Variants in FRYL observed in about 807,000 individuals in gnomAD.
FRYL encodes the protein FRY like transcription coactivator.
Under a neutral mutation model 351.2 loss-of-function variants are expected in FRYL, and 150 were observed. The ratio of observed to expected loss-of-function variants is 0.43; its 90% CI spans 0.37 to 0.49. FRYL has a LOEUF of 0.49. FRYL is among the 20% of genes least tolerant of loss of function. The pLI, the probability that FRYL is intolerant of heterozygous loss-of-function variation, is 0.00. For missense variants in FRYL, 3,036 were observed against 3,619.3 expected (o/e 0.84, Z 4.13); for synonymous variants, 1,153 against 1,257.1 (o/e 0.92, Z 1.75).
intron 57 of FRYL, among the ~76,000 whole-genome samples, chr4:48,511,592 T>C (rs2148770744): frequency 6.6e-6 from 1 of 152,292 alleles, no homozygotes; most frequent in African/African-American, 2.4e-5. Context: ...GGTGGCATTA[T>C]GATTAAAATA....
intron 61 of FRYL, among the ~76,000 whole-genome samples, chr4:48,502,086 C>T (rs1373689284): frequency 6.6e-6 from 1 of 152,146 alleles, no homozygotes; most frequent in Non-Finnish European, 1.5e-5. Flanking sequence ...CTTTTGCCCT[C>T]ATTGAGATGT....
intron 29 of FRYL, 95 bp downstream of exon 29, chr4:48,565,436 C>G (rs1736561118): frequency 1.1e-6 from 1 of 880,420 alleles, no homozygotes; most frequent in Admixed American, 3.3e-5. Flanking sequence ...CATTTTAATA[C>G]TCTCAGATCC....
chr4:48,603,670 A>G (rs181362511), intron 11 of FRYL, among the ~76,000 whole-genome samples: 1 of 152,148 alleles, frequency 6.6e-6, no homozygotes, highest in Admixed American at 6.5e-5. Context: ...AGGGGCCCCT[A>G]TGGAAAAACT....
intron 2 of FRYL, among the ~76,000 whole-genome samples, chr4:48,708,331 G>T (rs527419758): frequency 5.3e-5 from 8 of 151,650 alleles, no homozygotes; most frequent in Non-Finnish European, 1.2e-4. Context: ...GCCAGGCATG[G>T]TAGCACACAC....
intron 59 of FRYL, among the ~76,000 whole-genome samples, chr4:48,507,142 T>C (rs1243211745): frequency 2.6e-5 from 4 of 152,218 alleles, no homozygotes; most frequent in African/African-American, 9.6e-5. Context: ...ATTTATTTAA[T>C]GGCTTATTTT....
At chr4:48,578,145 G>A (rs1392644818) in intron 23 of FRYL, among the ~76,000 whole-genome samples, 1 of 151,864 alleles carries the variant, frequency 6.6e-6, no homozygotes, top group Non-Finnish European at 1.5e-5. Context: ...CTCACAAAAT[G>A]GAAACTATCA....
rs368900869 is a variant in FRYL, at chr4:48,719,606, C to A, written c.-383-8908G>T. 1.4e-3 allele frequency among the ~76,000 whole-genome samples: 213 copies of A among 151,604 alleles called. 7 individuals carry two copies. Among genetic ancestry groups the A allele is most frequent in the African/African-American group, 4.5e-3 (188 of 41,456 alleles). ...ATTATAAATTGACAAAACAAAACAA[C>A]AGAAATATCTTTTCCAGCCACACTG... On this transcript the variant is annotated intron_variant, in intron 1 of 63. Coordinates refer to ENST00000358350, the MANE Select transcript of FRYL (RefSeq NM_015030.2).
At chr4:48,708,306 A>G (rs1027021399) in intron 2 of FRYL, among the ~76,000 whole-genome samples, 1 of 7,318 alleles carries the variant, frequency 1.4e-4, no homozygotes, top group African/African-American at 1.5e-4. Context: ...AAATAAATAA[A>G]TAAAAATAAA....
intron 7 of FRYL, among the ~76,000 whole-genome samples, chr4:48,612,390 A>T (rs1748384863): frequency 6.6e-6 from 1 of 152,122 alleles, no homozygotes; most frequent in Admixed American, 6.5e-5. Flanking sequence ...GGCAGAGCAA[A>T]AAGTTTTTTC....
chr4:48,722,631 G>A (rs960940162), intron 1 of FRYL, among the ~76,000 whole-genome samples: 4 of 152,214 alleles, frequency 2.6e-5, no homozygotes, highest in African/African-American at 7.2e-5. Flanking sequence ...AAAAACGTTA[G>A]TAATAAAAGG....
intron 35 of FRYL, among the ~76,000 whole-genome samples, chr4:48,555,861 A>C (rs1403179455): frequency 6.6e-6 from 1 of 152,186 alleles, no homozygotes; most frequent in Non-Finnish European, 1.5e-5. Flanking sequence ...TGGTTTGTTT[A>C]AAATAGAATC....
intron 2 of FRYL, among the ~76,000 whole-genome samples, chr4:48,698,233 T>TC (rs1766391891): frequency 6.6e-6 from 1 of 152,270 alleles, no homozygotes; most frequent in Non-Finnish European, 1.5e-5. Flanking sequence ...GAAGTGGTGC[T>TC]CACAGCTCCT....
intron 17 of FRYL, 37 bp downstream of exon 17, chr4:48,590,621 TG>T: frequency 7.1e-7 from 1 of 1,412,750 alleles, no homozygotes; most frequent in South Asian, 1.3e-5. Context: ...AATATGAAAC[TG>T]TATTACAAAG....
intron 3 of FRYL, among the ~76,000 whole-genome samples, chr4:48,675,451 G>A (rs1195852575): frequency 6.6e-6 from 1 of 152,220 alleles, no homozygotes; most frequent in Non-Finnish European, 1.5e-5. Flanking sequence ...GGCCAGCCCT[G>A]CTGGCCCCAG....
intron 3 of FRYL, chr4:48,637,183 CAAACAATAA>C (rs1754408742): frequency 6.6e-6 from 1 of 152,064 alleles, no homozygotes; most frequent in South Asian, 2.1e-4. Flanking sequence ...AAGCAAGTTA[CAAACAATAA>C]AATGGAGGAG....
intron 26 of FRYL, among the ~76,000 whole-genome samples, chr4:48,571,273 C>T (rs1024740058): frequency 6.6e-6 from 1 of 152,094 alleles, no homozygotes; most frequent in Non-Finnish European, 1.5e-5. Flanking sequence ...AAAAATATGA[C>T]AGAAGTATAG....
chr4:48,553,228 A>C lies in FRYL; in HGVS notation c.4422T>G (p.Pro1474=). The change falls in exon 36 of 64, where the codon CCT becomes CCG. Residue 1474 remains proline (P), a synonymous_variant. Coordinates refer to ENST00000358350, the MANE Select transcript of FRYL (RefSeq NM_015030.2). ...YYRITSSYKI[P]SVTSGTTSSS... ...CAAATTTCTCACCTGAGGTGACAGAAGGGATTTTATAGCTGGAAGTGATGC... is the reference window on the plus strand; with the variant it reads ...CAAATTTCTCACCTGAGGTGACAGACGGGATTTTATAGCTGGAAGTGATGC... The C allele has an allele frequency of 6.2e-7, 1 of 1,611,004 alleles. No homozygotes were observed. The highest frequency in any genetic ancestry group is 1.1e-5 in the South Asian group (1 of 90,184).
At chr4:48,779,237 T>A (rs1776362835) in intron 1 of FRYL, among the ~76,000 whole-genome samples, 1 of 151,940 alleles carries the variant, frequency 6.6e-6, no homozygotes, top group Admixed American at 6.5e-5. Context: ...AAACGGCAAA[T>A]AAAAGTTGCA....
intron 35 of FRYL, among the ~76,000 whole-genome samples, chr4:48,555,818 T>C (rs749610575): frequency 6.6e-6 from 1 of 152,248 alleles, no homozygotes; most frequent in Non-Finnish European, 1.5e-5. Flanking sequence ...CCAAGTGAAC[T>C]TGGGGAATGC....
Sources: allele counts gnomAD v4.1 joint callset (sites outside exome capture counted in the v4.1 genomes callset), GRCh38; gene constraint gnomAD v4.1.1; transcripts MANE v1.5; gene names NCBI Gene and HGNC (gene_info 2026-07-23, HGNC 2026-07-21).